The following XYLT1 variants were observed in gnomAD, a reference collection of about 807,000 sequenced individuals.
The protein encoded by XYLT1 is beta-D-xylosyltransferase 1.
XYLT1 carries 36 observed loss-of-function variants against 91.3 expected under a neutral mutation model. The ratio of observed to expected loss-of-function variants is 0.39; its 90% confidence interval spans 0.30 to 0.52. The LOEUF is 0.52. Ranked by LOEUF, XYLT1 falls within the 20% of genes least tolerant of loss-of-function variation. The probability of loss-of-function intolerance (pLI) is 0.68; values close to 1 mark genes in which losing one functional copy is unlikely to be tolerated. For synonymous variants in XYLT1, 588 were observed against 532.0 expected, an observed-to-expected ratio of 1.11 and a Z score of -1.45; for missense variants, 1,242 against 1,284.5, an observed-to-expected ratio of 0.97 and a Z score of 0.51.
chr16:17,214,382 C>T (rs2032817424), intron 3 of XYLT1, among the ~76,000 whole-genome samples: 1 of 152,162 alleles, frequency 6.6e-6, no homozygotes, highest in Admixed American at 6.5e-5. Flanking sequence ...TACATATTGA[C>T]CCTCCTTCAT....
chr16:17,350,392 C>A (rs1307921289), intron 2 of XYLT1, among the ~76,000 whole-genome samples: 3 of 152,162 alleles, frequency 2.0e-5, no homozygotes, highest in Non-Finnish European at 4.4e-5. Flanking sequence ...GAGAAGATCC[C>A]ATGGCCAGGA....
chr16:17,208,495 T>G (rs1002696812), intron 3 of XYLT1, among the ~76,000 whole-genome samples: 1 of 152,220 alleles, frequency 6.6e-6, no homozygotes, highest in African/African-American at 2.4e-5. Context: ...GACCCAAGCC[T>G]AAACACAAAA....
chr16:17,439,890 G>A (rs2036511192), intron 1 of XYLT1, among the ~76,000 whole-genome samples: 1 of 152,226 alleles, frequency 6.6e-6, no homozygotes, highest in South Asian at 2.1e-4. Context: ...CATCCGGAAT[G>A]TGAGCCAGAT....
intron 5 of XYLT1, among the ~76,000 whole-genome samples, chr16:17,165,268 G>A (rs745722964): frequency 1.3e-5 from 2 of 152,146 alleles, no homozygotes; most frequent in Non-Finnish European, 2.9e-5. Flanking sequence ...ATATCCATTT[G>A]TTATTATATA....
At chr16:17,381,790 C>G (rs1268732598) in intron 1 of XYLT1, among the ~76,000 whole-genome samples, 1 of 152,134 alleles carries the variant, frequency 6.6e-6, no homozygotes, top group Non-Finnish European at 1.5e-5. Flanking sequence ...CATTTTAGTT[C>G]TGACAGTCTA....
chr16:17,112,544 C>G (rs560480229), intron 11 of XYLT1, among the ~76,000 whole-genome samples: 30 of 152,110 alleles, frequency 2.0e-4, no homozygotes, highest in Non-Finnish European at 3.7e-4. Flanking sequence ...TCATTCTGAC[C>G]AACAGGTGTA....
intron 2 of XYLT1, among the ~76,000 whole-genome samples, chr16:17,290,574 G>A (rs1258945495): frequency 6.6e-6 from 1 of 152,210 alleles, no homozygotes; most frequent in Non-Finnish European, 1.5e-5. Flanking sequence ...CTGTTGAATC[G>A]ACCCAAGGAG....
chr16:17,244,402 C>T (rs893066371), intron 3 of XYLT1, among the ~76,000 whole-genome samples: 1 of 152,110 alleles, frequency 6.6e-6, no homozygotes, highest in African/African-American at 2.4e-5. Flanking sequence ...AGAGGGATCC[C>T]AGGCAGAATG....
chr16:17,292,038 A>G (rs183804422), intron 2 of XYLT1, among the ~76,000 whole-genome samples: 91 of 152,074 alleles, frequency 6.0e-4, no homozygotes, highest in Non-Finnish European at 1.0e-3. Flanking sequence ...AAACCCATAA[A>G]TAATTAGCCA....
chr16:17,257,240 G>A lies in XYLT1; in HGVS notation c.913+1748C>T, dbSNP rs560092546. On this transcript the variant is annotated intron_variant, in intron 3 of 11. Transcript: ENST00000261381. ...GTGAAGTAGGCTCCCAGGGAAGGTG[G>A]AGCAAAAAGACCCCTAGAATGCAAG... 1.5e-4 allele frequency among the ~76,000 whole-genome samples: 23 copies of A among 152,234 alleles called. No individual in the cohort carries two copies. In the South Asian group the frequency reaches 4.6e-3, roughly 30 times the overall value.
At position 17,134,470 on chromosome 16, in the gene XYLT1, C is replaced by T. The variant is rs2030625991; in HGVS notation, c.2027+3G>A. 8.1e-6 allele frequency: 13 copies of T among 1,613,990 alleles called. No homozygotes were observed. Among genetic ancestry groups the T allele is most frequent in the Non-Finnish European group, 1.1e-5 (13 of 1,180,012 alleles). On this transcript the variant is annotated splice_donor_region_variant and intron_variant, in intron 9 of 11. Transcript: ENST00000261381. ...TCCTCTCTGCATCCCATATAGGGCT[C>T]ACCGGCAGCTGTTCTCCCCATCCGT...
intron 11 of XYLT1, among the ~76,000 whole-genome samples, chr16:17,110,991 C>T (rs1380145531): frequency 1.3e-5 from 2 of 152,108 alleles, no homozygotes; most frequent in Non-Finnish European, 2.9e-5. Context: ...GAAACCCCGT[C>T]TCTACTAAAA....
At chr16:17,447,085 T>C (rs1176291978) in intron 1 of XYLT1, among the ~76,000 whole-genome samples, 3 of 151,230 alleles carry the variant, frequency 2.0e-5, no homozygotes, top group African/African-American at 7.3e-5. Context: ...CAATCAATTA[T>C]TCACGACCTC....
chr16:17,236,696 T>C (rs2033254214), intron 3 of XYLT1, among the ~76,000 whole-genome samples: 1 of 152,244 alleles, frequency 6.6e-6, no homozygotes, highest in South Asian at 2.1e-4. Flanking sequence ...GCCTTTCTTC[T>C]GGCTCCTAGG....
At chr16:17,125,181 G>A (rs747008677) in intron 10 of XYLT1, among the ~76,000 whole-genome samples, 1 of 152,074 alleles carries the variant, frequency 6.6e-6, no homozygotes, top group Non-Finnish European at 1.5e-5. Context: ...TTCCTTGGCT[G>A]TCCCACAGTG....
At chr16:17,134,347 AAGAG>A in intron 9 of XYLT1, 122 bp downstream of exon 9, 1 of 1,316,278 alleles carries the variant, frequency 7.6e-7, no homozygotes, top group Non-Finnish European at 1.0e-6. Flanking sequence ...TGGGCAAAGG[AAGAG>A]AGAAAGCATA....
chr16:17,174,895 C>G (rs949826229), intron 5 of XYLT1, among the ~76,000 whole-genome samples: 1 of 152,160 alleles, frequency 6.6e-6, no homozygotes, highest in Non-Finnish European at 1.5e-5. Context: ...CTCAGCCTCT[C>G]AAGTAGCTGG....
intron 1 of XYLT1, among the ~76,000 whole-genome samples, chr16:17,399,932 A>G (rs181169921): frequency 6.6e-6 from 1 of 152,298 alleles, no homozygotes; most frequent in East Asian, 1.9e-4. Context: ...GATAAAGCAA[A>G]TATTTCTTTG....
intron 1 of XYLT1, among the ~76,000 whole-genome samples, chr16:17,407,675 G>A (rs1328243056): frequency 6.6e-6 from 1 of 152,228 alleles, no homozygotes; most frequent in Non-Finnish European, 1.5e-5. Context: ...TCAAGGAAGA[G>A]TATGGCCTTG....
Sources: gnomAD v4.1 joint callset for allele counts (sites outside exome capture counted in the v4.1 genomes callset) on GRCh38, gnomAD v4.1.1 for gene constraint, MANE v1.5 for transcripts, NCBI Gene and HGNC (gene_info 2026-07-23, HGNC 2026-07-21) for gene names.